MME: variants seen among roughly 807,000 people sequenced by gnomAD.
MME encodes the protein membrane metalloendopeptidase, also known as neprilysin.
In MME, 98 loss-of-function variants were observed where a neutral mutation model predicts 113.2. The ratio of observed to expected loss-of-function variants is 0.87; its 90% confidence interval spans 0.74 to 1.02. The LOEUF is 1.02. Among genes scored for constraint, MME ranks in the 50% least tolerant of loss-of-function variants. The pLI is 0.00. For missense variants in MME, 836 were observed against 896.0 expected, an observed-to-expected ratio of 0.93 and a Z score of 0.86; for synonymous variants, 292 against 300.6, an observed-to-expected ratio of 0.97 and a Z score of 0.30.
chr3:155,098,034 C>T (rs1488557947), intron 3 of MME, among the ~76,000 whole-genome samples: 1 of 152,056 alleles, frequency 6.6e-6, no homozygotes, highest in African/African-American at 2.4e-5. Context: ...TCCCTGCTTA[C>T]AGGAGCTTAC....
At chr3:155,149,071 C>T (rs1202129135) in intron 16 of MME, among the ~76,000 whole-genome samples, 1 of 152,058 alleles carries the variant, frequency 6.6e-6, no homozygotes, top group African/African-American at 2.4e-5. Flanking sequence ...AACTCCATCC[C>T]CTTCATAGAT....
chr3:155,094,230 G>A (rs1193051257), intron 3 of MME, among the ~76,000 whole-genome samples: 1 of 152,214 alleles, frequency 6.6e-6, no homozygotes, highest in African/African-American at 2.4e-5. Flanking sequence ...TAGCATGGGA[G>A]ATCTGGGATG....
At chr3:155,152,803 T>C (rs1321385444) in intron 16 of MME, among the ~76,000 whole-genome samples, 2 of 150,606 alleles carry the variant, frequency 1.3e-5, no homozygotes, top group Non-Finnish European at 2.9e-5. Flanking sequence ...ATTTTACCAC[T>C]GCACTCTAGC....
chr3:155,107,722 A>C (rs938554441), intron 3 of MME, among the ~76,000 whole-genome samples: 2 of 152,244 alleles, frequency 1.3e-5, no homozygotes, highest in Non-Finnish European at 2.9e-5. Flanking sequence ...ATTTACAGAC[A>C]TGCACAGACT....
intron 3 of MME, among the ~76,000 whole-genome samples, chr3:155,087,144 T>G (rs16824551): frequency 1.3e-5 from 2 of 152,008 alleles, no homozygotes; most frequent in Non-Finnish European, 2.9e-5. Flanking sequence ...GTCTTGGATA[T>G]TCTTTACTTG....
upstream of MME, chr3:155,079,725 A>G (rs951636773): frequency 1.1e-4 from 16 of 150,420 alleles, no homozygotes; most frequent in African/African-American, 3.7e-4. Context: ...CAGCCGCCCA[A>G]CTCCTGGCGC....
intron 1 of MME, among the ~76,000 whole-genome samples, chr3:155,025,553 G>T (rs547390605): frequency 6.6e-6 from 1 of 150,608 alleles, no homozygotes; most frequent in Admixed American, 6.6e-5. Context: ...GAACCCAGGA[G>T]GCAGAGGTTG....
chr3:155,085,398 G>GT (rs1285372003), intron 3 of MME: 1 of 214,120 alleles, frequency 4.7e-6, no homozygotes, highest in African/African-American at 2.3e-5. Context: ...ATATGAAATG[G>GT]TAAGTTTCGT....
At position 155,164,895 on chromosome 3, in the gene MME, G is replaced by A. The variant is rs1019223762; in HGVS notation, c.1661-2007G>A. Among the ~76,000 whole-genome samples, 4 of 152,072 alleles carry A rather than the reference G, an allele frequency of 2.6e-5. 1 individual carries two copies. The highest frequency in any genetic ancestry group is 7.2e-5 in the African/African-American group (3 of 41,394). ...TTCCAAATTTTTGTAGAGGTCTGGG[G>A]AGCAATTAAATTGCTCAGATGCTTT... On this transcript the variant is annotated intron_variant, in intron 17 of 22. Transcript: ENST00000360490.
chr3:155,153,672 A>G (rs1722112517), intron 16 of MME, among the ~76,000 whole-genome samples: 1 of 152,120 alleles, frequency 6.6e-6, no homozygotes. Flanking sequence ...GTGTTTGTGA[A>G]TCATAACTGT....
intron 18 of MME, among the ~76,000 whole-genome samples, chr3:155,168,186 G>T (rs1339543023): frequency 1.3e-5 from 2 of 152,146 alleles, no homozygotes; most frequent in African/African-American, 2.4e-5. Context: ...ACTTGGGTCA[G>T]GTAAAAACCA....
At chr3:155,145,005 G>C (rs573431280) in intron 14 of MME, among the ~76,000 whole-genome samples, 1 of 152,240 alleles carries the variant, frequency 6.6e-6, no homozygotes, top group African/African-American at 2.4e-5. Flanking sequence ...AAAAGCAGAC[G>C]ATTTGGATTG....
intron 17 of MME, among the ~76,000 whole-genome samples, chr3:155,162,637 T>C (rs1003531693): frequency 6.6e-5 from 10 of 152,130 alleles, no homozygotes; most frequent in Non-Finnish European, 1.2e-4. Flanking sequence ...TTTTTTTCTT[T>C]CACAATTTAA....
chr3:155,166,458 A>G (rs1723102430), intron 17 of MME, among the ~76,000 whole-genome samples: 1 of 152,196 alleles, frequency 6.6e-6, no homozygotes, highest in East Asian at 1.9e-4. Flanking sequence ...CTGCAATAAC[A>G]TTAAAAATAA....
chr3:155,061,720 G>A (rs1714156007), intron 1 of MME, among the ~76,000 whole-genome samples: 1 of 145,462 alleles, frequency 6.9e-6, no homozygotes, highest in South Asian at 2.2e-4. Flanking sequence ...GGAGTGCAGT[G>A]GCACAGTCTT....
intron 17 of MME, 152 bp from the exon 18 acceptor site, chr3:155,166,750 G>A: frequency 1.0e-6 from 1 of 959,520 alleles, no homozygotes; most frequent in Non-Finnish European, 1.6e-6. Context: ...CAAGCACAAA[G>A]CCAACCCCAA....
chr3:155,035,650 T>C (rs1235726175), intron 1 of MME, among the ~76,000 whole-genome samples: 1 of 149,018 alleles, frequency 6.7e-6, no homozygotes, highest in Admixed American at 6.7e-5. Context: ...AGGTACCCAG[T>C]TCAGGAAGGA....
intron 1 of MME, among the ~76,000 whole-genome samples, chr3:155,048,849 GA>G (rs1345008471): frequency 6.6e-6 from 1 of 151,980 alleles, no homozygotes; most frequent in African/African-American, 2.4e-5. Context: ...TCTTCATATA[GA>G]ATTATTGTTT....
intron 3 of MME, among the ~76,000 whole-genome samples, chr3:155,088,714 A>G (rs1716010857): frequency 6.6e-6 from 1 of 151,796 alleles, no homozygotes; most frequent in African/African-American, 2.4e-5. Flanking sequence ...AGAAAGAAAT[A>G]TGAAAAGAGA....
Sources: allele counts gnomAD v4.1 joint callset (sites outside exome capture counted in the v4.1 genomes callset), GRCh38; gene constraint gnomAD v4.1.1; transcripts MANE v1.5; gene names NCBI Gene and HGNC (gene_info 2026-07-23, HGNC 2026-07-21).